HELZ: variants seen among roughly 807,000 people sequenced by gnomAD.
HELZ encodes the protein ATP-dependent RNA helicase with zinc finger domain.
HELZ carries 23 observed loss-of-function variants against 218.2 expected under a neutral mutation model. The ratio of observed to expected loss-of-function variants is 0.11; its 90% confidence interval spans 0.08 to 0.15. The LOEUF is 0.15. Among genes scored for constraint, HELZ ranks in the 10% least tolerant of loss-of-function variants. The pLI is 1.00. For synonymous variants in HELZ, 814 were observed against 829.4 expected (o/e 0.98, Z 0.32); for missense variants, 1,813 against 2,353.7 (o/e 0.77, Z 4.75).
intron 13 of HELZ, among the ~76,000 whole-genome samples, chr17:67,176,950 CAT>C (rs1387548197): frequency 1.3e-5 from 2 of 151,616 alleles, no homozygotes; most frequent in African/African-American, 2.4e-5. Context: ...GCAAGGTACT[CAT>C]AGAGTGCACT....
chr17:67,209,031 G>GA (rs1313514431), intron 5 of HELZ, among the ~76,000 whole-genome samples: 5 of 138,916 alleles, frequency 3.6e-5, no homozygotes, highest in African/African-American at 1.3e-4. Flanking sequence ...AAGGAAGGGA[G>GA]GAAGGGAGGG....
chr17:67,217,320 G>A (rs1052580588), intron 4 of HELZ, among the ~76,000 whole-genome samples: 1 of 152,104 alleles, frequency 6.6e-6, no homozygotes, highest in African/African-American at 2.4e-5. Flanking sequence ...AAACCTGATT[G>A]CTTCTATTTT....
intron 3 of HELZ, among the ~76,000 whole-genome samples, chr17:67,233,468 C>T (rs779488797): frequency 2.6e-4 from 39 of 152,206 alleles, no homozygotes; most frequent in Non-Finnish European, 4.4e-4. Flanking sequence ...GACACCACCG[C>T]TAAGAACCTT....
At chr17:67,157,702 A>G (rs1460897549) in intron 17 of HELZ, among the ~76,000 whole-genome samples, 1 of 152,234 alleles carries the variant, frequency 6.6e-6, no homozygotes, top group East Asian at 1.9e-4. Flanking sequence ...TATAATTTTA[A>G]TTCACTGAAA....
chr17:67,113,507 G>A (rs1295992980), intron 28 of HELZ, among the ~76,000 whole-genome samples: 3 of 152,210 alleles, frequency 2.0e-5, no homozygotes, highest in Non-Finnish European at 4.4e-5. Context: ...TGATCCACCC[G>A]CCTTGGCCTC....
intron 22 of HELZ, 64 bp from the exon 23 acceptor site, chr17:67,136,262 A>G: frequency 1.8e-6 from 2 of 1,087,482 alleles, no homozygotes; most frequent in South Asian, 2.9e-5. Context: ...ATATAATAAA[A>G]GCATTGCATT....
chr17:67,186,122 G>A (rs919393359), intron 12 of HELZ, among the ~76,000 whole-genome samples: 6 of 150,946 alleles, frequency 4.0e-5, no homozygotes, highest in African/African-American at 7.3e-5. Context: ...ACCCTAGTCC[G>A]AGTCCTCATT....
At position 67,087,082 on chromosome 17, in the gene HELZ, C is replaced by T; in HGVS notation, c.5242-1G>A. 1 of 1,613,688 alleles carries T rather than the reference C, an allele frequency of 6.2e-7. No homozygotes were observed. The highest frequency in any genetic ancestry group is 8.5e-7 in the Non-Finnish European group (1 of 1,179,738). On this transcript the variant is annotated splice_acceptor_variant, in intron 31 of 32. Transcript: ENST00000358691. LOFTEE classifies it high-confidence loss of function. Reference sequence around the variant, plus strand: ...GCCGACCAGGTCCTCTGGGCTCATACTACACAAAGAAAAAGAACATTTCAT... The same window carrying T: ...GCCGACCAGGTCCTCTGGGCTCATATTACACAAAGAAAAAGAACATTTCAT...
At chr17:67,094,333 A>AGAGAGAGAGAGAGAGAGAG (rs1555597035) in intron 31 of HELZ, among the ~76,000 whole-genome samples, 5 of 146,564 alleles carry the variant, frequency 3.4e-5, no homozygotes, top group African/African-American at 1.1e-4. Context: ...AAAAAAAAAA[A>AGAGAGAGAGAGAGAGAGAG]AGAGAGAGAG....
chr17:67,199,230 T>TTTTTA (rs2040106990), intron 7 of HELZ, among the ~76,000 whole-genome samples: 2 of 146,848 alleles, frequency 1.4e-5, no homozygotes, highest in South Asian at 2.2e-4. Flanking sequence ...TTTTTTTTTT[T>TTTTTA]GAGACAGAGT....
At chr17:67,137,136 A>G (rs2038178737) in intron 22 of HELZ, among the ~76,000 whole-genome samples, 1 of 152,072 alleles carries the variant, frequency 6.6e-6, no homozygotes, top group African/African-American at 2.4e-5. Flanking sequence ...GGTGTATATC[A>G]TTTTTTCTTA....
At chr17:67,196,558 A>ATGGT (rs945738052) in intron 7 of HELZ, among the ~76,000 whole-genome samples, 1 of 141,938 alleles carries the variant, frequency 7.0e-6, no homozygotes. Flanking sequence ...AAACAGATAG[A>ATGGT]TGGTTGGTTA....
intron 13 of HELZ, among the ~76,000 whole-genome samples, chr17:67,172,085 G>A (rs967073534): frequency 3.9e-5 from 6 of 152,036 alleles, no homozygotes; most frequent in East Asian, 3.8e-4. Flanking sequence ...CACCCACCTC[G>A]GCCTCCCAAA....
In HELZ at chr17:67,107,304, T is replaced by C. The variant is rs1157151679; in HGVS notation, c.5106A>G (p.Leu1702=). ...GCGGTGGCCTGTGAGGCAATGGAGG[T>C]AGGCCATAGGGAAAACCTGGCCCCA... ...HLMGPGFPYG[L]PPLPHRPPQN... Residue 1702 remains leucine (L), a synonymous_variant, in exon 31 of 33, where the codon CTA becomes CTG. Coordinates refer to ENST00000358691, the MANE Select transcript of HELZ (RefSeq NM_014877.4). 7 of 1,614,040 alleles carry C rather than the reference T, an allele frequency of 4.3e-6. No individual in the cohort carries two copies. Among genetic ancestry groups the C allele is most frequent in the Non-Finnish European group, 5.9e-6 (7 of 1,180,002 alleles).
At chr17:67,089,647 T>TTATA (rs371659847) in intron 31 of HELZ, among the ~76,000 whole-genome samples, 590 of 53,804 alleles carry the variant, frequency 0.011, 4 homozygotes, top group East Asian at 0.02. Context: ...ATTGGAGATT[T>TTATA]TATATATATA....
At chr17:67,190,999 C>A (rs2039880454) in intron 9 of HELZ, among the ~76,000 whole-genome samples, 2 of 152,136 alleles carry the variant, frequency 1.3e-5, no homozygotes, top group South Asian at 4.1e-4. Context: ...TGAGCCACCA[C>A]GCCCAGCCAG....
intron 15 of HELZ, among the ~76,000 whole-genome samples, chr17:67,164,199 C>A (rs1291888722): frequency 6.6e-6 from 1 of 152,136 alleles, no homozygotes; most frequent in Admixed American, 6.5e-5. Context: ...GAAAAACTGT[C>A]TAGAAATGTT....
At chr17:67,135,321 T>TAA (rs2038116505) in intron 23 of HELZ, among the ~76,000 whole-genome samples, 1 of 152,084 alleles carries the variant, frequency 6.6e-6, no homozygotes, top group South Asian at 2.1e-4. Context: ...TTAGAACAAT[T>TAA]AAGTGAAAAA....
chr17:67,245,450 C>A (rs1400016136), upstream of HELZ: 1 of 984,270 alleles, frequency 1.0e-6, no homozygotes, highest in Non-Finnish European at 1.2e-6. Flanking sequence ...CCTGCCCCCA[C>A]GCCCGGTCCT....
Sources: gnomAD v4.1 joint callset for allele counts (sites outside exome capture counted in the v4.1 genomes callset) on GRCh38, gnomAD v4.1.1 for gene constraint, MANE v1.5 for transcripts, NCBI Gene and HGNC (gene_info 2026-07-23, HGNC 2026-07-21) for gene names.